Variants in ANKRD55 observed in about 807,000 individuals in gnomAD.
ANKRD55 encodes ankyrin repeat domain 55, also known as ankyrin repeat domain-containing protein 55.
Under a neutral mutation model 60.6 loss-of-function variants are expected in ANKRD55, and 41 were observed. That is an observed-to-expected ratio of 0.68 (90% CI 0.53 to 0.88). ANKRD55 has a LOEUF of 0.88. Ranked by LOEUF, ANKRD55 falls within the 40% of genes least tolerant of loss-of-function variation. ANKRD55 has a pLI of 0.00. For missense variants in ANKRD55, 732 were observed against 767.6 expected (o/e 0.95, Z 0.55); for synonymous variants, 264 against 290.3 (o/e 0.91, Z 0.92).
At chr5:56,210,560 C>CAAAAAAAAAAA (rs59566826) in intron 2 of ANKRD55, among the ~76,000 whole-genome samples, 2 of 65,158 alleles carry the variant, frequency 3.1e-5, no homozygotes, top group South Asian at 5.5e-4. Flanking sequence ...GACTACGTCT[C>CAAAAAAAAAAA]AAAAAAAAAA....
At chr5:56,107,168 T>G (rs1175207743) in intron 10 of ANKRD55, among the ~76,000 whole-genome samples, 1 of 152,188 alleles carries the variant, frequency 6.6e-6, no homozygotes, top group African/African-American at 2.4e-5. Flanking sequence ...CAATTTAAAG[T>G]CAGTTGCAGA....
At chr5:56,128,992 CAG>C (rs1554038059) in intron 7 of ANKRD55, among the ~76,000 whole-genome samples, 2 of 152,222 alleles carry the variant, frequency 1.3e-5, no homozygotes, top group Non-Finnish European at 2.9e-5. Context: ...ACCTCCTTTA[CAG>C]TTAATCTTTG....
chr5:56,230,479 T>A (rs191566585), intron 2 of ANKRD55, among the ~76,000 whole-genome samples: 1 of 152,312 alleles, frequency 6.6e-6, no homozygotes, highest in Admixed American at 6.5e-5. Context: ...TCTGTCCCCA[T>A]CTGCATGTAA....
At position 56,194,976 on chromosome 5, in the gene ANKRD55, G is replaced by A. The variant is rs192681146; in HGVS notation, c.59-11342C>T. Among the ~76,000 whole-genome samples, 262 of 152,220 alleles carry A rather than the reference G, an allele frequency of 1.7e-3. 3 individuals carry two copies. The highest frequency in any genetic ancestry group is 5.9e-3 in the African/African-American group (247 of 41,546). ...GCAGAGTTTTAGAATTCATTTTTAGGATCTAAGGTGGCTATTAGTTACACT... is the reference window on the plus strand; with the variant it reads ...GCAGAGTTTTAGAATTCATTTTTAGAATCTAAGGTGGCTATTAGTTACACT... On this transcript the variant is annotated intron_variant, in intron 2 of 11. Transcript: ENST00000341048.
At chr5:56,122,170 C>G (rs1757083381) in intron 8 of ANKRD55, among the ~76,000 whole-genome samples, 2 of 152,210 alleles carry the variant, frequency 1.3e-5, no homozygotes, top group Non-Finnish European at 2.9e-5. Flanking sequence ...TATAGCTGCT[C>G]TGTGCCTATG....
At position 56,111,497 on chromosome 5, in the gene ANKRD55, G is replaced by C. The variant is rs752590663; in HGVS notation, c.1251C>G (p.Leu417=). The change falls in exon 10 of 12, where the codon CTC becomes CTG. Residue 417 remains leucine, a synonymous_variant. Coordinates refer to ENST00000341048, the MANE Select transcript of ANKRD55 (RefSeq NM_024669.3). ...KKKTSDNSKY[L]LPEKKPLARK... ...GGGCCAGCGGTTTCTTTTCTGGTAA[G>C]AGATATTTTGAATTGTCTGAGGTTT... 4 of 1,614,048 alleles carry C rather than the reference G, an allele frequency of 2.5e-6. No individual in the cohort carries two copies. The African/African-American group carries it at 5.3e-5, about 22-fold the overall frequency.
At chr5:56,141,739 A>G (rs1223624933) in intron 7 of ANKRD55, among the ~76,000 whole-genome samples, 2 of 152,220 alleles carry the variant, frequency 1.3e-5, no homozygotes, top group African/African-American at 2.4e-5. Flanking sequence ...GTAAACATAA[A>G]AAAAAGAGAA....
intron 2 of ANKRD55, among the ~76,000 whole-genome samples, chr5:56,227,835 T>C (rs1336839355): frequency 6.6e-6 from 1 of 152,186 alleles, no homozygotes; most frequent in African/African-American, 2.4e-5. Context: ...AGCTAGTCTG[T>C]GTGCAGTCCT....
At chr5:56,219,285 A>G (rs945609207) in intron 2 of ANKRD55, among the ~76,000 whole-genome samples, 1 of 151,610 alleles carries the variant, frequency 6.6e-6, no homozygotes, top group Non-Finnish European at 1.5e-5. Context: ...AAAAAAAAAA[A>G]AAAAAAAGAA....
At position 56,135,294 on chromosome 5, in the gene ANKRD55, G is replaced by GTT. The variant is rs1757546768; in HGVS notation, c.613-8189_613-8188insAA. On this transcript the variant is annotated intron_variant, in intron 7 of 11. Transcript: ENST00000341048. ...TCCCTCCCTCCCTGCCTGCCTGCTTGCTTTCTTTCTTTCTTTCTTTCTTTC... is the reference window on the plus strand; with the variant it reads ...TCCCTCCCTCCCTGCCTGCCTGCTTGTTCTTTCTTTCTTTCTTTCTTTCTTTC... Among the ~76,000 whole-genome samples the GTT allele has an allele frequency of 8.6e-4, 73 of 84,458 alleles. 4 individuals are homozygous for GTT. Among genetic ancestry groups the GTT allele is most frequent in the African/African-American group, 3.2e-3 (67 of 21,234 alleles). The allele number at this position is 84,458 out of a possible 152,430, so 55.4% of individuals were successfully genotyped here.
chr5:56,116,488 C>T, intron 9 of ANKRD55, 127 bp downstream of exon 9: 2 of 780,982 alleles, frequency 2.6e-6, no homozygotes, highest in Non-Finnish European at 3.5e-6. Flanking sequence ...TACTATGTAA[C>T]ATTAATTATA....
chr5:56,141,078 T>A (rs982340597), intron 7 of ANKRD55, among the ~76,000 whole-genome samples: 1 of 150,146 alleles, frequency 6.7e-6, no homozygotes, highest in Non-Finnish European at 1.5e-5. Context: ...AATATATCTA[T>A]CTATATATAT....
At chr5:56,147,251 G>A (rs769083339) in intron 6 of ANKRD55, among the ~76,000 whole-genome samples, 1 of 152,158 alleles carries the variant, frequency 6.6e-6, no homozygotes, top group Non-Finnish European at 1.5e-5. Flanking sequence ...TGAGTCCATG[G>A]TAGAGCTAGG....
chr5:56,142,221 G>C (rs1580976529), intron 7 of ANKRD55, among the ~76,000 whole-genome samples: 1 of 152,190 alleles, frequency 6.6e-6, no homozygotes, highest in Middle Eastern at 3.4e-3. Context: ...CCAGCTACTC[G>C]GGAGGCTGAG....
At chr5:56,135,795 CTA>C (rs1281877323) in intron 7 of ANKRD55, among the ~76,000 whole-genome samples, 1 of 152,078 alleles carries the variant, frequency 6.6e-6, no homozygotes, top group African/African-American at 2.4e-5. Context: ...ACATGACTAT[CTA>C]TGTATAAAAT....
intron 2 of ANKRD55, among the ~76,000 whole-genome samples, chr5:56,204,753 A>G (rs564815859): frequency 2.0e-5 from 3 of 152,294 alleles, no homozygotes; most frequent in African/African-American, 7.2e-5. Flanking sequence ...CTTTAATTTT[A>G]TGAAGGATTA....
chr5:56,215,721 T>G (rs12654710), intron 2 of ANKRD55, among the ~76,000 whole-genome samples: 14,983 of 152,176 alleles, frequency 0.098, 1,325 homozygotes, highest in African/African-American at 0.24. Flanking sequence ...GGGCAAGTTA[T>G]GTAACCTCAG....
intron 8 of ANKRD55, among the ~76,000 whole-genome samples, chr5:56,125,342 G>A (rs1257253940): frequency 6.0e-5 from 9 of 150,952 alleles, no homozygotes; most frequent in Admixed American, 2.6e-4. Flanking sequence ...GTGCAATGGC[G>A]CGATCTTGGC....
chr5:56,110,877 G>C (rs1266140332), intron 10 of ANKRD55: 1 of 546,176 alleles, frequency 1.8e-6, no homozygotes. Context: ...CATATTTGCT[G>C]GGGAGATGAG....
Sources: allele counts gnomAD v4.1 joint callset (sites outside exome capture counted in the v4.1 genomes callset), GRCh38; gene constraint gnomAD v4.1.1; transcripts MANE v1.5; gene names NCBI Gene and HGNC (gene_info 2026-07-23, HGNC 2026-07-21).